CMC2: variants seen among roughly 807,000 people sequenced by gnomAD.
The protein encoded by CMC2 is C-X9-C motif containing 2.
Under a neutral mutation model 7.5 loss-of-function variants are expected in CMC2, and 5 were observed. The ratio of observed to expected loss-of-function variants is 0.66; its 90% CI spans 0.35 to 1.40. CMC2 has a LOEUF of 1.40. Among genes scored for constraint, CMC2 ranks in the 40% most tolerant of loss-of-function variants. The pLI, the probability that CMC2 is intolerant of heterozygous loss-of-function variation, is 0.04. For missense variants in CMC2, 115 were observed against 92.3 expected (o/e 1.25, Z -1.01); for synonymous variants, 37 against 31.4 (o/e 1.18, Z -0.60).
chr16:80,985,837 A>G (rs184673563), intron 2 of CMC2, among the ~76,000 whole-genome samples: 17 of 148,500 alleles, frequency 1.1e-4, no homozygotes, highest in African/African-American at 4.1e-4. Flanking sequence ...GGAGGAATGC[A>G]CTAAGCTCAG....
chr16:80,993,015 G>A (rs923731789), intron 2 of CMC2, among the ~76,000 whole-genome samples: 1 of 152,084 alleles, frequency 6.6e-6, no homozygotes, highest in Non-Finnish European at 1.5e-5. Flanking sequence ...GGTTATATAA[G>A]AATTTATCCA....
chr16:80,988,674 A>C, intron 2 of CMC2: 2 of 682,134 alleles, frequency 2.9e-6, no homozygotes, highest in South Asian at 3.1e-5. Flanking sequence ...ACTAGTATCT[A>C]ATTTATAGAC....
At chr16:80,987,912 A>G (rs1240195368) in intron 2 of CMC2, among the ~76,000 whole-genome samples, 1 of 152,158 alleles carries the variant, frequency 6.6e-6, no homozygotes, top group African/African-American at 2.4e-5. Context: ...ACAGTGGCTC[A>G]TGCCTGTAAT....
chr16:81,002,846 C>A (rs1462605208), intron 1 of CMC2, among the ~76,000 whole-genome samples: 1 of 152,144 alleles, frequency 6.6e-6, no homozygotes, highest in East Asian at 1.9e-4. Context: ...ACTTTCTTAG[C>A]CTAGATGACT....
chr16:80,999,835 T>C (rs960945987), intron 1 of CMC2, among the ~76,000 whole-genome samples: 1 of 152,194 alleles, frequency 6.6e-6, no homozygotes, highest in Non-Finnish European at 1.5e-5. Flanking sequence ...GCTGGGATAG[T>C]TGGCTAGCTA....
chr16:80,987,901 C>G (rs992102539), intron 2 of CMC2, among the ~76,000 whole-genome samples: 3 of 152,020 alleles, frequency 2.0e-5, no homozygotes, highest in Non-Finnish European at 4.4e-5. Context: ...TCAGGCCAGG[C>G]ACAGTGGCTC....
intron 3 of CMC2, among the ~76,000 whole-genome samples, chr16:80,978,015 T>G (rs1466894585): frequency 1.3e-5 from 2 of 148,764 alleles, no homozygotes; most frequent in Non-Finnish European, 2.9e-5. Context: ...GAGGTTGCAG[T>G]GAGCCGAGAT....
intron 1 of CMC2, among the ~76,000 whole-genome samples, chr16:81,004,702 G>C (rs760953382): frequency 2.0e-5 from 3 of 152,160 alleles, no homozygotes; most frequent in Non-Finnish European, 4.4e-5. Flanking sequence ...AAGCGGTAGG[G>C]TACTCTTAGT....
rs1451522366 is a variant in CMC2, at chr16:80,967,890, ACAACATAC to A, written c.*8195_*8202del. ...TAAGATTTTGCTGTCATATTCAATG[ACAACATAC>A]CATATTAACGCTTCCTATTTTTTTT... On this transcript the variant is annotated 3_prime_UTR_variant, in exon 4 of 4. Transcript: ENST00000219400. 6.6e-6 allele frequency: 1 copy of A among 152,240 alleles called. No individual in the cohort carries two copies. Among genetic ancestry groups the A allele is most frequent in the Admixed American group, 6.5e-5 (1 of 15,276 alleles). The allele number at this position is 152,240 out of a possible 1,614,324, so 9.4% of individuals were successfully genotyped here.
At chr16:80,996,098 T>G (rs1257989992) in intron 2 of CMC2, among the ~76,000 whole-genome samples, 1 of 152,144 alleles carries the variant, frequency 6.6e-6, no homozygotes, top group Non-Finnish European at 1.5e-5. Flanking sequence ...AAACAAAGAT[T>G]ACTTAAAAGC....
At chr16:81,006,707 G>A (rs1969388344) in intron 1 of CMC2, 27 bp downstream of exon 1, 4 of 985,372 alleles carry the variant, frequency 4.1e-6, no homozygotes, top group South Asian at 4.7e-5. Context: ...GAACGCGTTC[G>A]GAACGGCCTG....
chr16:80,976,825 A>C (rs1912426091), intron 3 of CMC2, among the ~76,000 whole-genome samples: 2 of 152,182 alleles, frequency 1.3e-5, no homozygotes, highest in Admixed American at 6.5e-5. Flanking sequence ...TAACCCACTT[A>C]CTACCTTTTG....
chr16:80,985,078 C>A (rs1967419060), intron 2 of CMC2, among the ~76,000 whole-genome samples: 1 of 152,148 alleles, frequency 6.6e-6, no homozygotes, highest in Non-Finnish European at 1.5e-5. Flanking sequence ...ACCAGGGACA[C>A]AGAAGTGAGC....
chr16:80,979,784 C>G (rs887150821), intron 3 of CMC2, among the ~76,000 whole-genome samples: 4 of 151,084 alleles, frequency 2.6e-5, no homozygotes, highest in South Asian at 2.1e-4. Flanking sequence ...CCATGCCTGG[C>G]TAATTTTTTT....
intron 1 of CMC2, among the ~76,000 whole-genome samples, chr16:81,001,003 A>G (rs182218953): frequency 2.2e-4 from 34 of 152,378 alleles, no homozygotes; most frequent in African/African-American, 8.2e-4. Context: ...ACCATGGAAT[A>G]CTAAACAGCC....
At chr16:80,978,381 T>A in intron 3 of CMC2, 1 of 1,271,422 alleles carries the variant, frequency 7.9e-7, no homozygotes, top group Non-Finnish European at 1.0e-6. Flanking sequence ...CATTAAAATA[T>A]GCTAAGACAT....
In CMC2 at chr16:80,976,034, G is replaced by T; in HGVS notation, c.*59C>A. On this transcript the variant is annotated 3_prime_UTR_variant, in exon 4 of 4. Coordinates refer to ENST00000219400, the MANE Select transcript of CMC2 (RefSeq NM_020188.5). ...GACCAAATAAGACAGGATTCTTTCA[G>T]GTATCAACCCAGAGTCTTTAGGTCT... The T allele has an allele frequency of 1.1e-6, 1 of 921,598 alleles. No homozygotes were observed. 57.1% of individuals were successfully genotyped at this position (921,598 alleles called of 1,614,324 possible).
At chr16:80,980,880 C>T (rs1460549855) in intron 3 of CMC2, 1 of 697,234 alleles carries the variant, frequency 1.4e-6, no homozygotes, top group Non-Finnish European at 2.6e-6. Context: ...GAGCAAGAAC[C>T]TGTCTCAAAA....
intron 2 of CMC2, among the ~76,000 whole-genome samples, 193 bp from the exon 3 acceptor site, chr16:80,982,070 T>A (rs1220129654): frequency 6.6e-6 from 1 of 152,194 alleles, no homozygotes; most frequent in East Asian, 1.9e-4. Context: ...AGTCCACTTA[T>A]ACCTGGATTT....
Sources: gnomAD v4.1 joint callset for allele counts (sites outside exome capture counted in the v4.1 genomes callset) on GRCh38, gnomAD v4.1.1 for gene constraint, MANE v1.5 for transcripts, NCBI Gene and HGNC (gene_info 2026-07-23, HGNC 2026-07-21) for gene names.